The following CPAMD8 variants were observed in gnomAD, a reference collection of about 807,000 sequenced individuals.
The protein encoded by CPAMD8 is C3 and PZP-like alpha-2-macroglobulin domain-containing protein 8.
In CPAMD8, 146 loss-of-function variants were observed where a neutral mutation model predicts 224.7. The observed-to-expected ratio is 0.65, with a 90% CI of 0.57 to 0.75. The LOEUF (loss-of-function observed/expected upper bound fraction) is 0.75, where lower values mean the gene tolerates loss of function less well. Among genes scored for constraint, CPAMD8 ranks in the 30% least tolerant of loss-of-function variants. The pLI is 0.00. For missense variants in CPAMD8, 2,301 were observed against 2,537.5 expected, an observed-to-expected ratio of 0.91 and a Z score of 2.00; for synonymous variants, 966 against 1,044.6, an observed-to-expected ratio of 0.92 and a Z score of 1.45.
rs1190273993 is a variant in CPAMD8, at chr19:16,893,069, G to A, written c.*39C>T. 1 of 934,444 alleles carries A rather than the reference G, an allele frequency of 1.1e-6. No individual in the cohort carries two copies. Among genetic ancestry groups the A allele is most frequent in the Non-Finnish European group, 1.8e-6 (1 of 561,490 alleles). 57.9% of individuals were successfully genotyped at this position (934,444 alleles called of 1,614,324 possible). A position where few individuals can be genotyped will look rare whatever the true frequency, so the allele number is the denominator to read the frequency against. ...GTGTGTGGGTATGAATGGTCCCCAG[G>A]ACCAAACTGCGGTCCCACAACTGCA... is the stretch of plus-strand genomic sequence containing the variant. On this transcript the variant is annotated 3_prime_UTR_variant, in exon 42 of 42. Coordinates refer to ENST00000443236, the MANE Select transcript of CPAMD8 (RefSeq NM_015692.5).
intron 11 of CPAMD8, among the ~76,000 whole-genome samples, chr19:16,993,918 G>A (rs1054236164): frequency 6.6e-6 from 1 of 151,996 alleles, no homozygotes; most frequent in Non-Finnish European, 1.5e-5. Context: ...GACCAGCCTG[G>A]GTAACATAGT....
At chr19:16,935,930 A>AT (rs112965775) in intron 23 of CPAMD8, among the ~76,000 whole-genome samples, 7,498 of 141,648 alleles carry the variant, frequency 0.053, 518 homozygotes, top group African/African-American at 0.16. Context: ...AGTGTTCACT[A>AT]TTTTTTTTTT....
intron 17 of CPAMD8, among the ~76,000 whole-genome samples, chr19:16,971,849 C>G (rs1322180134): frequency 6.6e-6 from 1 of 152,072 alleles, no homozygotes; most frequent in African/African-American, 2.4e-5. Context: ...GAGTTCAACA[C>G]CAGCCTGGCC....
intron 23 of CPAMD8, among the ~76,000 whole-genome samples, chr19:16,936,703 G>A (rs376376887): frequency 9.2e-5 from 14 of 152,160 alleles, no homozygotes; most frequent in Admixed American, 2.0e-4. Context: ...CACCACAGTC[G>A]GCCTTGCCCA....
In CPAMD8 at chr19:17,008,613, A is replaced by G. The variant is rs878861870; in HGVS notation, c.505-54T>C. On this transcript the variant is annotated intron_variant, in intron 6 of 41. Transcript: ENST00000443236. ...CGGAGTGAACTCAGGCTAGCCTAGCATGTGCCCAATGTAAGGATTTTCCCA... is the reference window on the plus strand; with the variant it reads ...CGGAGTGAACTCAGGCTAGCCTAGCGTGTGCCCAATGTAAGGATTTTCCCA... The G allele has an allele frequency of 1.5e-5, 23 of 1,570,256 alleles. No individual in the cohort carries two copies. The South Asian group carries it at 2.3e-4, about 16-fold the overall frequency.
chr19:16,964,545 T>G (rs2054762002), intron 18 of CPAMD8, among the ~76,000 whole-genome samples: 2 of 152,104 alleles, frequency 1.3e-5, no homozygotes, highest in South Asian at 4.1e-4. Context: ...GAGGCAATAA[T>G]TAATAGCCTA....
At chr19:16,904,197 G>GGCC in intron 32 of CPAMD8, 29 bp downstream of exon 32, 1 of 743,944 alleles carries the variant, frequency 1.3e-6, no homozygotes. Context: ...CCAGCCCTGA[G>GGCC]CCCCTCCCTC....
intron 18 of CPAMD8, among the ~76,000 whole-genome samples, chr19:16,970,238 C>CAAAAAAA (rs34399675): frequency 1.6e-4 from 15 of 92,654 alleles, no homozygotes; most frequent in Non-Finnish European, 2.1e-4. Context: ...GACTCTGTCT[C>CAAAAAAA]AAAAAAAAAA....
At chr19:16,922,684 G>T (rs1474294581) in intron 26 of CPAMD8, among the ~76,000 whole-genome samples, 1 of 150,518 alleles carries the variant, frequency 6.6e-6, no homozygotes, top group Non-Finnish European at 1.5e-5. Context: ...CCCTGGAACT[G>T]CCCCACACCA....
At chr19:16,926,803 C>T (rs772822084) in intron 25 of CPAMD8, among the ~76,000 whole-genome samples, 12 of 152,208 alleles carry the variant, frequency 7.9e-5, no homozygotes, top group Non-Finnish European at 1.8e-4. Context: ...TCCTGCCTCT[C>T]TGCTTCTTCT....
chr19:16,913,410 A>G (rs959828960), intron 29 of CPAMD8, among the ~76,000 whole-genome samples: 2 of 152,066 alleles, frequency 1.3e-5, no homozygotes, highest in Non-Finnish European at 2.9e-5. Context: ...GAAGAGGAAG[A>G]GCACTAGAGC....
At chr19:16,978,461 C>T (rs1468183712) in intron 14 of CPAMD8, among the ~76,000 whole-genome samples, 4 of 152,134 alleles carry the variant, frequency 2.6e-5, no homozygotes, top group Non-Finnish European at 4.4e-5. Context: ...TGTTATTTCA[C>T]CCAGAAGAGA....
At chr19:16,973,742 G>A (rs2055147893) in intron 17 of CPAMD8, among the ~76,000 whole-genome samples, 1 of 152,070 alleles carries the variant, frequency 6.6e-6, no homozygotes, top group African/African-American at 2.4e-5. Context: ...GACCCTGAAG[G>A]GCGAAGCATG....
At chr19:17,017,575 T>A (rs545242993) in intron 3 of CPAMD8, among the ~76,000 whole-genome samples, 2 of 152,326 alleles carry the variant, frequency 1.3e-5, no homozygotes, top group African/African-American at 4.8e-5. Flanking sequence ...GAGTTGCAGC[T>A]GTGGCCTCCA....
intron 20 of CPAMD8, 132 bp from the exon 21 acceptor site, chr19:16,947,359 C>CG (rs2122282545): frequency 8.8e-7 from 1 of 1,136,646 alleles, no homozygotes; most frequent in Non-Finnish European, 1.2e-6. Flanking sequence ...ATGCTCCCCC[C>CG]GGGAAGGTCC....
chr19:16,936,543 C>G (rs2053688609), intron 23 of CPAMD8, among the ~76,000 whole-genome samples: 1 of 152,088 alleles, frequency 6.6e-6, no homozygotes, highest in South Asian at 2.1e-4. Flanking sequence ...GCTGGGACCA[C>G]AGGCACCTGC....
In CPAMD8 at chr19:16,902,971, G is replaced by A. The variant is rs1339442487; in HGVS notation, c.4471-108C>T. ...GAGGTGGGAACAGCCAGAATTATGA[G>A]GACAATGACATCCATGACAGTTTTA... On this transcript the variant is annotated intron_variant, in intron 34 of 41. Transcript: ENST00000443236. The A allele has an allele frequency of 1.5e-5, 10 of 656,360 alleles. No homozygotes were observed. In the Admixed American group the frequency reaches 2.1e-4, roughly 14 times the overall value. The allele number at this position is 656,360 out of a possible 1,614,324, so 40.7% of individuals were successfully genotyped here.
At chr19:16,911,294 G>A (rs559653665) in intron 29 of CPAMD8, among the ~76,000 whole-genome samples, 15 of 152,140 alleles carry the variant, frequency 9.9e-5, no homozygotes, top group Middle Eastern at 6.8e-3. Flanking sequence ...TTAGATTCTC[G>A]TGGGAGCATG....
Position 16,899,323 on chromosome 19 carries a change from C to G in CPAMD8, c.4848+152G>C. On this transcript the variant is annotated intron_variant, in intron 37 of 41. Coordinates refer to ENST00000443236, the MANE Select transcript of CPAMD8 (RefSeq NM_015692.5). This position sits in a 1 kb window ranked among gnomAD's most constrained non-coding sequence, Gnocchi z 5.4. Reference sequence around the variant, plus strand: ...CCTCCCACCTCGGCTTCCCAAAGTGCTGGGATTACAGGCATGAGCCACCAT... The same window carrying G: ...CCTCCCACCTCGGCTTCCCAAAGTGGTGGGATTACAGGCATGAGCCACCAT... The G allele has an allele frequency of 1.7e-6, 1 of 574,700 alleles. No individual in the cohort carries two copies. The highest frequency in any genetic ancestry group is 1.8e-5 in the South Asian group (1 of 54,540). The allele number at this position is 574,700 out of a possible 1,614,324, so 35.6% of individuals were successfully genotyped here.
Sources: gnomAD v4.1 joint callset for allele counts (sites outside exome capture counted in the v4.1 genomes callset) on GRCh38, gnomAD v4.1.1 for gene constraint, Gnocchi (gnomAD v3.1) non-coding constraint, MANE v1.5 for transcripts, NCBI Gene and HGNC (gene_info 2026-07-23, HGNC 2026-07-21) for gene names.